Variants in WFDC9 observed in about 807,000 individuals in gnomAD.
WFDC9 encodes protein WFDC9.
A neutral mutation model predicts 9.5 loss-of-function variants in WFDC9; 9 were observed. That is an observed-to-expected ratio of 0.95 (90% CI 0.57 to 1.65). The LOEUF is 1.65. Ranked by LOEUF, WFDC9 falls within the 40% of genes most tolerant of loss-of-function variation. The probability of loss-of-function intolerance (pLI) is 0.00; values close to 1 mark genes in which losing one functional copy is unlikely to be tolerated. For synonymous variants in WFDC9, 33 were observed against 32.3 expected (o/e 1.02, Z -0.07); for missense variants, 87 against 106.7 (o/e 0.82, Z 0.81).
chr20:45,625,443 G>A (rs1234570985), intron 1 of WFDC9, among the ~76,000 whole-genome samples: 1 of 152,114 alleles, frequency 6.6e-6, no homozygotes, highest in Non-Finnish European at 1.5e-5. Flanking sequence ...CCTTTGCTGT[G>A]CAGCAGCTTT....
chr20:45,625,039 A>G (rs1423805254), intron 1 of WFDC9, among the ~76,000 whole-genome samples: 1 of 152,204 alleles, frequency 6.6e-6, no homozygotes, highest in Non-Finnish European at 1.5e-5. Flanking sequence ...TGCTATGAAG[A>G]TACTACCTGA....
At chr20:45,631,129 G>A in intron 1 of WFDC9, 74 bp downstream of exon 1, 2 of 1,276,822 alleles carry the variant, frequency 1.6e-6, no homozygotes, top group African/African-American at 3.1e-5. Context: ...ACATCAACAG[G>A]AATGCCGCCC....
intron 1 of WFDC9, among the ~76,000 whole-genome samples, chr20:45,618,989 C>T (rs1459015111): frequency 3.3e-5 from 5 of 152,002 alleles, no homozygotes; most frequent in Admixed American, 6.6e-5. Flanking sequence ...GTTGAGTGCA[C>T]TGAGGGGCAG....
rs182930242 is a variant in WFDC9, at chr20:45,629,663, G to A, written c.-153+1540C>T. 1,033 of 943,960 alleles carry A rather than the reference G, an allele frequency of 1.1e-3. 16 individuals are homozygous for A. In the Admixed American group the frequency reaches 0.024, roughly 22 times the overall value. The allele number at this position is 943,960 out of a possible 1,614,324, so 58.5% of individuals were successfully genotyped here. On this transcript the variant is annotated intron_variant, in intron 1 of 4. Transcript: ENST00000326000. ...GGCCAGGGGCAAGCAAAAAGAGGAA[G>A]GACTCTCTTGCTCTGCTCCGACTTG...
intron 1 of WFDC9, chr20:45,630,001 C>T: frequency 6.7e-7 from 1 of 1,497,590 alleles, no homozygotes; most frequent in Admixed American, 2.0e-5. Context: ...TGGAAACTCT[C>T]TGCATATCCA....
chr20:45,616,823 C>T (rs562267573), intron 1 of WFDC9, among the ~76,000 whole-genome samples: 8 of 152,284 alleles, frequency 5.3e-5, no homozygotes, highest in Admixed American at 2.6e-4. Context: ...ACCATGCTGT[C>T]ACACAGTCTT....
intron 2 of WFDC9, among the ~76,000 whole-genome samples, chr20:45,611,040 G>A (rs1272561446): frequency 6.6e-6 from 1 of 152,202 alleles, no homozygotes; most frequent in East Asian, 1.9e-4. Context: ...AGAGAAGAGG[G>A]CTCTAATTTG....
At chr20:45,610,546 G>C (rs182647573) in intron 2 of WFDC9, among the ~76,000 whole-genome samples, 108 of 152,280 alleles carry the variant, frequency 7.1e-4, no homozygotes, top group Middle Eastern at 3.4e-3. Flanking sequence ...ACCATCTAGA[G>C]ATAATCAATA....
At chr20:45,626,658 T>C (rs981913891) in intron 1 of WFDC9, among the ~76,000 whole-genome samples, 1 of 152,242 alleles carries the variant, frequency 6.6e-6, no homozygotes, top group African/African-American at 2.4e-5. Flanking sequence ...ACTGAATTTC[T>C]TTATGAGTTC....
chr20:45,608,610 G>A lies in WFDC9; in HGVS notation c.239+53C>T. 3.8e-6 allele frequency: 6 copies of A among 1,570,508 alleles called. No homozygotes were observed. In the South Asian group the frequency reaches 6.1e-5, roughly 16 times the overall value. On this transcript the variant is annotated intron_variant, in intron 4 of 4. Transcript: ENST00000326000. ...TGCGGTCTTTTGAATAGTCGGTAAG[G>A]ACCAGTGATGAAGCATGCCCAGGCC...
At chr20:45,621,237 G>C (rs1304366117) in intron 1 of WFDC9, among the ~76,000 whole-genome samples, 1 of 152,158 alleles carries the variant, frequency 6.6e-6, no homozygotes, top group South Asian at 2.1e-4. Flanking sequence ...AGCTCTTTCA[G>C]TATGCTAACT....
chr20:45,629,702 G>T, intron 1 of WFDC9: 1 of 1,358,138 alleles, frequency 7.4e-7, no homozygotes, highest in Non-Finnish European at 1.0e-6. Flanking sequence ...AGTAGAGGCA[G>T]TGAGGAGCTA....
At chr20:45,612,786 T>A (rs988311746) in intron 2 of WFDC9, among the ~76,000 whole-genome samples, 1 of 152,134 alleles carries the variant, frequency 6.6e-6, no homozygotes, top group African/African-American at 2.4e-5. Context: ...AGAGAAAAAT[T>A]TGAACTATAA....
chr20:45,616,539 T>G (rs1031857061), intron 1 of WFDC9, among the ~76,000 whole-genome samples: 9 of 152,200 alleles, frequency 5.9e-5, no homozygotes, highest in Admixed American at 3.9e-4. Flanking sequence ...GTATGTAGAA[T>G]AGTGAATCCT....
intron 1 of WFDC9, among the ~76,000 whole-genome samples, chr20:45,625,726 T>C (rs1348962245): frequency 6.6e-6 from 1 of 151,686 alleles, no homozygotes; most frequent in Non-Finnish European, 1.5e-5. Context: ...GAGACTATCC[T>C]TTCCCCAGTG....
chr20:45,614,424 T>C (rs1981929362), intron 2 of WFDC9, among the ~76,000 whole-genome samples: 1 of 152,186 alleles, frequency 6.6e-6, no homozygotes, highest in African/African-American at 2.4e-5. Flanking sequence ...GGATTTAGTG[T>C]CAGGAATGCT....
At chr20:45,622,069 C>T (rs542407092) in intron 1 of WFDC9, among the ~76,000 whole-genome samples, 107 of 148,846 alleles carry the variant, frequency 7.2e-4, no homozygotes, top group Non-Finnish European at 8.2e-4. Context: ...CAAAAAGGGT[C>T]TTTGTGTGGT....
At chr20:45,614,053 C>T (rs1232235566) in intron 2 of WFDC9, among the ~76,000 whole-genome samples, 1 of 152,142 alleles carries the variant, frequency 6.6e-6, no homozygotes, top group Non-Finnish European at 1.5e-5. Flanking sequence ...TCCAAAATAC[C>T]ACCCTAGACC....
At chr20:45,628,889 C>T (rs577514662) in intron 1 of WFDC9, among the ~76,000 whole-genome samples, 13 of 152,290 alleles carry the variant, frequency 8.5e-5, no homozygotes, top group African/African-American at 2.9e-4. Context: ...CCTAGGTTGT[C>T]CCCTCTTTCT....
Sources: gnomAD v4.1 joint callset for allele counts (sites outside exome capture counted in the v4.1 genomes callset) on GRCh38, gnomAD v4.1.1 for gene constraint, MANE v1.5 for transcripts, NCBI Gene and HGNC (gene_info 2026-07-23, HGNC 2026-07-21) for gene names.